SORL1: variants seen among roughly 807,000 people sequenced by gnomAD.
SORL1 encodes sortilin-related receptor.
SORL1 carries 127 observed loss-of-function variants against 273.7 expected under a neutral mutation model. The observed-to-expected ratio is 0.46, with a 90% confidence interval of 0.40 to 0.54. The LOEUF (loss-of-function observed/expected upper bound fraction) is 0.54. SORL1 is among the 20% of genes least tolerant of loss of function. SORL1 has a pLI of 0.00. For missense variants in SORL1, 2,494 were observed against 2,846.1 expected (o/e 0.88, Z 2.81); for synonymous variants, 1,031 against 1,067.4 (o/e 0.97, Z 0.66).
At chr11:121,608,357 G>A (rs927781317) in intron 38 of SORL1, 181 bp downstream of exon 38, 15 of 582,876 alleles carry the variant, frequency 2.6e-5, no homozygotes, top group Admixed American at 1.6e-4. Context: ...TCTTTTTGGG[G>A]TGACTGAGTG....
chr11:121,549,922 A>T, intron 14 of SORL1, 38 bp from the exon 15 acceptor site: 1 of 1,606,454 alleles, frequency 6.2e-7, no homozygotes, highest in East Asian at 2.2e-5. Flanking sequence ...TGAAATGTAT[A>T]AAACCGTGGC....
At chr11:121,622,083 A>C in intron 44 of SORL1, 79 bp from the exon 45 acceptor site, 1 of 823,536 alleles carries the variant, frequency 1.2e-6, no homozygotes, top group East Asian at 2.4e-5. Flanking sequence ...GCATTATTTA[A>C]TCTCTCTTTG....
At chr11:121,612,893 C>T in intron 40 of SORL1, 61 bp downstream of exon 40, 3 of 1,218,374 alleles carry the variant, frequency 2.5e-6, no homozygotes, top group South Asian at 1.2e-5. Context: ...CCAATGCTTT[C>T]CCGCTGTAGA....
intron 6 of SORL1, among the ~76,000 whole-genome samples, chr11:121,510,780 A>G (rs10892752): frequency 0.32 from 48,820 of 151,988 alleles, 8,800 homozygotes; most frequent in Middle Eastern, 0.44. Flanking sequence ...ATATGCTTGC[A>G]TGTGGTGGCA....
chr11:121,610,688 G>T, intron 38 of SORL1: 1 of 164,904 alleles, frequency 6.1e-6, no homozygotes, highest in South Asian at 1.8e-4. Context: ...TTACTCCATT[G>T]TCAGCCTTCC....
intron 1 of SORL1, among the ~76,000 whole-genome samples, chr11:121,468,099 G>C (rs938953780): frequency 2.0e-5 from 3 of 152,150 alleles, no homozygotes; most frequent in Non-Finnish European, 4.4e-5. Flanking sequence ...GGAGTGGGTG[G>C]GGAAAGTTCG....
chr11:121,509,205 G>A (rs1008928200), intron 6 of SORL1, among the ~76,000 whole-genome samples: 1 of 151,914 alleles, frequency 6.6e-6, no homozygotes, highest in African/African-American at 2.4e-5. Flanking sequence ...GTGACCCATG[G>A]CTCTGGTGCT....
Position 121,555,260 on chromosome 11 carries a change from C to G in SORL1, c.2513C>G (p.Ala838Gly). Residue 838 changes from alanine to glycine, a missense_variant, in exon 18 of 48, where the codon GCT becomes GGT. Physicochemically the swap from Ala to Gly is moderately conservative, Grantham distance 60 (BLOSUM62 0). Coordinates refer to ENST00000260197, the MANE Select transcript of SORL1 (RefSeq NM_003105.6). ...GGCCTGGAGACAGTAGAAGCTTTGG[C>G]TTTTGAACCCCTCAGCCAGCTGCTT... ...NSGLETVEALAFEPLSQLLYW... is the reference protein window; with the variant it reads ...NSGLETVEALGFEPLSQLLYW... 1 of 1,614,112 alleles carries G rather than the reference C, an allele frequency of 6.2e-7. No individual in the cohort carries two copies.
At chr11:121,541,064 A>G (rs1862339710) in intron 12 of SORL1, among the ~76,000 whole-genome samples, 1 of 152,250 alleles carries the variant, frequency 6.6e-6, no homozygotes. Flanking sequence ...TTCTTAAACC[A>G]AAAGCATATC....
chr11:121,519,333 G>A (rs769963530), intron 8 of SORL1, among the ~76,000 whole-genome samples: 16 of 151,792 alleles, frequency 1.1e-4, no homozygotes, highest in Non-Finnish European at 1.8e-4. Context: ...TCATTTTAGC[G>A]CAAAACCACT....
At chr11:121,577,041 A>G in intron 24 of SORL1, 1 of 1,230,298 alleles carries the variant, frequency 8.1e-7, no homozygotes, top group South Asian at 1.3e-5. Flanking sequence ...GTCAAGAGGC[A>G]AGCAGCTCTA....
intron 26 of SORL1, among the ~76,000 whole-genome samples, chr11:121,585,868 A>G (rs754175009): frequency 2.6e-5 from 4 of 152,144 alleles, no homozygotes; most frequent in Non-Finnish European, 4.4e-5. Flanking sequence ...TTTATTAAAC[A>G]GTCTGTTATT....
chr11:121,492,081 C>G (rs1565313831), intron 5 of SORL1, among the ~76,000 whole-genome samples: 1 of 152,126 alleles, frequency 6.6e-6, no homozygotes, highest in Non-Finnish European at 1.5e-5. Flanking sequence ...TTGCACCTGG[C>G]CAAGTGCGGT....
chr11:121,621,427 G>A (rs950322408), intron 44 of SORL1, among the ~76,000 whole-genome samples, 189 bp downstream of exon 44: 1 of 152,204 alleles, frequency 6.6e-6, no homozygotes, highest in Non-Finnish European at 1.5e-5. Context: ...GGTGGCCAGG[G>A]CACAGTGGGC....
intron 11 of SORL1, among the ~76,000 whole-genome samples, chr11:121,528,632 G>A (rs1862158263): frequency 6.6e-6 from 1 of 152,176 alleles, no homozygotes; most frequent in African/African-American, 2.4e-5. Context: ...CGAATGATAA[G>A]TTACTTAGCA....
chr11:121,607,687 G>A (rs553752286), intron 37 of SORL1, among the ~76,000 whole-genome samples: 80 of 152,268 alleles, frequency 5.3e-4, no homozygotes, highest in African/African-American at 1.8e-3. Flanking sequence ...TATATTTTTA[G>A]TATTTTTAGC....
At chr11:121,591,591 A>G (rs1022700125) in intron 31 of SORL1, among the ~76,000 whole-genome samples, 41 of 152,196 alleles carry the variant, frequency 2.7e-4, no homozygotes, top group Non-Finnish European at 2.9e-5. Context: ...AAGGGTAAGC[A>G]CTGCCATCTA....
At chr11:121,591,229 G>A (rs1178601115) in intron 31 of SORL1, 73 bp downstream of exon 31, 4 of 1,542,472 alleles carry the variant, frequency 2.6e-6, no homozygotes, top group South Asian at 1.1e-5. Flanking sequence ...TGTGCTCTGG[G>A]CACAATCCAA....
chr11:121,503,343 G>A (rs1861741089), intron 6 of SORL1, among the ~76,000 whole-genome samples: 2 of 151,412 alleles, frequency 1.3e-5, no homozygotes, highest in Admixed American at 6.6e-5. Context: ...ATTAATTTTT[G>A]TATCTAGTGT....
Sources: gnomAD v4.1 joint callset for allele counts (sites outside exome capture counted in the v4.1 genomes callset) on GRCh38, gnomAD v4.1.1 for gene constraint, MANE v1.5 for transcripts, NCBI Gene and HGNC (gene_info 2026-07-23, HGNC 2026-07-21) for gene names.